PCDHA8: variants seen among roughly 807,000 people sequenced by gnomAD.
PCDHA8 encodes protocadherin alpha-8.
In PCDHA8, 53 loss-of-function variants were observed where a neutral mutation model predicts 61.8. The ratio of observed to expected loss-of-function variants is 0.86; its 90% CI spans 0.69 to 1.08. The LOEUF (loss-of-function observed/expected upper bound fraction) is 1.08. Among genes scored for constraint, PCDHA8 ranks in the 50% least tolerant of loss-of-function variants. The probability of loss-of-function intolerance (pLI) is 0.00; values close to 1 mark genes in which losing one functional copy is unlikely to be tolerated. For synonymous variants in PCDHA8, 618 were observed against 556.6 expected, an observed-to-expected ratio of 1.11 and a Z score of -1.55; for missense variants, 1,293 against 1,245.0, an observed-to-expected ratio of 1.04 and a Z score of -0.58.
chr5:140,891,912 T>C (rs2063306720), intron 1 of PCDHA8, among the ~76,000 whole-genome samples: 1 of 152,244 alleles, frequency 6.6e-6, no homozygotes, highest in Admixed American at 6.5e-5. Context: ...CTTCACCAGA[T>C]GCTGGTGCCT....
chr5:140,955,932 A>T (rs907189668), intron 1 of PCDHA8, among the ~76,000 whole-genome samples: 2 of 152,106 alleles, frequency 1.3e-5, no homozygotes, highest in Non-Finnish European at 2.9e-5. Flanking sequence ...GTTCATTCAT[A>T]ATATGGCTGT....
chr5:140,926,754 C>A, intron 1 of PCDHA8: 1 of 1,283,492 alleles, frequency 7.8e-7, no homozygotes. Context: ...TCGGCGGTCG[C>A]TGAGTATCCA....
rs1562723002 is a variant in PCDHA8, at chr5:140,876,958, G to C, written c.2394+33243G>C. 3 of 1,613,288 alleles carry C rather than the reference G, an allele frequency of 1.9e-6. No individual in the cohort carries two copies. The East Asian group carries it at 6.7e-5, about 36-fold the overall frequency. On this transcript the variant is annotated intron_variant, in intron 1 of 3. Transcript: ENST00000531613. ...CGCGCTGGTGTCCTACTCGCTGGTG[G>C]AGCGGCGGGTGGGCGAGCACGCACT...
intron 1 of PCDHA8, chr5:140,876,139 A>G (rs1554168285): frequency 6.2e-7 from 1 of 1,613,960 alleles, no homozygotes; most frequent in South Asian, 1.1e-5. Context: ...ACCAGAACTA[A>G]CAGGGTCTGT....
At chr5:140,897,154 T>C (rs530327361) in intron 1 of PCDHA8, among the ~76,000 whole-genome samples, 1 of 152,332 alleles carries the variant, frequency 6.6e-6, no homozygotes, top group African/African-American at 2.4e-5. Context: ...TTAACCATTC[T>C]TCTACTGTCT....
intron 1 of PCDHA8, among the ~76,000 whole-genome samples, chr5:140,844,605 G>GA (rs1306948486): frequency 6.7e-6 from 1 of 149,186 alleles, no homozygotes; most frequent in Non-Finnish European, 1.5e-5. Context: ...ATATGACTTA[G>GA]AAAAATGTTT....
chr5:140,906,575 T>C (rs1443480852), intron 1 of PCDHA8, among the ~76,000 whole-genome samples: 1 of 152,242 alleles, frequency 6.6e-6, no homozygotes, highest in Non-Finnish European at 1.5e-5. Context: ...ATAGCTGGTA[T>C]TGATGACTAC....
Position 140,841,209 on chromosome 5 carries a change from T to A in PCDHA8, c.-113T>A, listed in dbSNP as rs1777094069. The A allele has an allele frequency of 2.9e-6, 4 of 1,385,024 alleles. No homozygotes were observed. The highest frequency in any genetic ancestry group is 3.9e-6 in the Non-Finnish European group (4 of 1,020,904). 85.8% of individuals were successfully genotyped at this position (1,385,024 alleles called of 1,614,324 possible). A position where few individuals can be genotyped will look rare whatever the true frequency, so the allele number is the denominator to read the frequency against. On this transcript the variant is annotated 5_prime_UTR_variant, in exon 1 of 4. Coordinates refer to ENST00000531613, the MANE Select transcript of PCDHA8 (RefSeq NM_018911.3). ...AGTCTTTTCTCTGACAGCATCTGTCTCTAAAGGCCGAACAACGGGAGATGC... is the reference window on the plus strand; with the variant it reads ...AGTCTTTTCTCTGACAGCATCTGTCACTAAAGGCCGAACAACGGGAGATGC...
In PCDHA8 at chr5:140,856,944, G is replaced by C. The variant is rs1424566635; in HGVS notation, c.2394+13229G>C. Reference sequence around the variant, plus strand: ...AAATTTTGGATAAACGAAAGGACGGGAGAAATAAAAGTAAATGATGCTATT... The same window carrying C: ...AAATTTTGGATAAACGAAAGGACGGCAGAAATAAAAGTAAATGATGCTATT... On this transcript the variant is annotated intron_variant, in intron 1 of 3. Transcript: ENST00000531613. 8.8e-6 allele frequency: 14 copies of C among 1,593,558 alleles called. 1 individual carries two copies. The highest frequency in any genetic ancestry group is 1.3e-5 in the African/African-American group (1 of 74,212).
intron 1 of PCDHA8, among the ~76,000 whole-genome samples, chr5:140,846,137 A>G (rs1253647422): frequency 1.3e-5 from 2 of 149,716 alleles, no homozygotes; most frequent in Non-Finnish European, 3.0e-5. Flanking sequence ...TATGTTTCCC[A>G]TATTTAAAAG....
chr5:140,926,569 A>T (rs1245214494), intron 1 of PCDHA8: 1 of 261,750 alleles, frequency 3.8e-6, no homozygotes, highest in Admixed American at 5.3e-5. Context: ...CTGCTACTGG[A>T]GACAGCACCT....
intron 1 of PCDHA8, among the ~76,000 whole-genome samples, chr5:140,906,837 A>C (rs543572104): frequency 2.0e-4 from 31 of 152,292 alleles, no homozygotes; most frequent in African/African-American, 7.5e-4. Flanking sequence ...GACTGATTTC[A>C]TCTTGAGAGT....
At position 140,850,694 on chromosome 5, in the gene PCDHA8, G is replaced by T. The variant is rs2150494629; in HGVS notation, c.2394+6979G>T. The T allele has an allele frequency of 5.6e-6, 9 of 1,598,344 alleles. 1 individual carries two copies. The Admixed American group carries it at 8.4e-5, about 15-fold the overall frequency. On this transcript the variant is annotated intron_variant, in intron 1 of 3. Coordinates refer to ENST00000531613, the MANE Select transcript of PCDHA8 (RefSeq NM_018911.3). ...CGATGCCCACCGAGGGCGAGTGCGC[G>T]CCTGGCAAGCCGACGCTGGTGTGTT...
chr5:140,869,864 A>C (rs1554163548), intron 1 of PCDHA8: 1 of 1,610,504 alleles, frequency 6.2e-7, no homozygotes, highest in African/African-American at 1.3e-5. Context: ...CTTATGGAAA[A>C]TGCTGCTAAA....
chr5:140,857,187 C>A (rs202051639), intron 1 of PCDHA8: 1 of 1,598,516 alleles, frequency 6.3e-7, no homozygotes, highest in East Asian at 2.2e-5. Context: ...GATTCAGGAG[C>A]CAACGGACAG....
chr5:140,976,378 C>G (rs908008970), intron 1 of PCDHA8, among the ~76,000 whole-genome samples: 2 of 151,926 alleles, frequency 1.3e-5, no homozygotes, highest in Non-Finnish European at 2.9e-5. Flanking sequence ...TGGTGAAACC[C>G]CATCTCTACT....
chr5:140,851,492 T>C, intron 1 of PCDHA8: 2 of 896,256 alleles, frequency 2.2e-6, no homozygotes, highest in Non-Finnish European at 2.7e-6. Context: ...ACAGCCTTCA[T>C]TTCAACTTAT....
intron 1 of PCDHA8, chr5:140,877,398 T>C: frequency 1.2e-6 from 2 of 1,613,870 alleles, no homozygotes; most frequent in Middle Eastern, 1.6e-4. Flanking sequence ...AGGCGGACGC[T>C]CCGCGCCACC....
rs147537783 is a variant in PCDHA8 at position 140,982,491 on chromosome 5, G to C, written c.2470G>C (p.Glu824Gln). 1 of 1,614,076 alleles carries C rather than the reference G, an allele frequency of 6.2e-7. No individual in the cohort carries two copies. Among genetic ancestry groups the C allele is most frequent in the African/African-American group, 1.3e-5 (1 of 74,924 alleles). The change falls in exon 3 of 4, where the codon GAG becomes CAG. Residue 824 changes from glutamate to glutamine, a missense_variant. Physicochemically the swap from Glu to Gln is conservative, Grantham distance 29. Coordinates refer to ENST00000531613, the MANE Select transcript of PCDHA8 (RefSeq NM_018911.3). ...TTTATTCAGCTCTGTGCACCTAGAG[G>C]AGGCTGGCATTCTACGGGCTGGTCC... is the stretch of plus-strand genomic sequence containing the variant. ...AGMHSSVHLE[E>Q]AGILRAGPGG...
Sources: allele counts gnomAD v4.1 joint callset (sites outside exome capture counted in the v4.1 genomes callset), GRCh38; gene constraint gnomAD v4.1.1; transcripts MANE v1.5; gene names NCBI Gene and HGNC (gene_info 2026-07-23, HGNC 2026-07-21).